The following ENTPD5 variants were observed in gnomAD, a reference collection of about 807,000 sequenced individuals.
ENTPD5 encodes nucleoside diphosphate phosphatase ENTPD5.
Under a neutral mutation model 60.2 loss-of-function variants are expected in ENTPD5, and 49 were observed. The ratio of observed to expected loss-of-function variants is 0.81; its 90% confidence interval spans 0.65 to 1.03. ENTPD5 has a LOEUF of 1.03. Ranked by LOEUF, ENTPD5 falls within the 50% of genes least tolerant of loss-of-function variation. The pLI is 0.00. For missense variants in ENTPD5, 480 were observed against 507.6 expected, an observed-to-expected ratio of 0.95 and a Z score of 0.52; for synonymous variants, 187 against 185.4, an observed-to-expected ratio of 1.01 and a Z score of -0.07.
Position 73,969,954 on chromosome 14 carries a change from C to CT in ENTPD5, c.1200+55dup, listed in dbSNP as rs547779648. On this transcript the variant is annotated intron_variant, in intron 15 of 15. Coordinates refer to ENST00000334696, the MANE Select transcript of ENTPD5 (RefSeq NM_001249.5). ...CTGATTACTGAACAAGCTCTTACTCCTTCTCAACCCCCACAAAAGAGGGCT... is the reference window on the plus strand; with the variant it reads ...CTGATTACTGAACAAGCTCTTACTCCTTTCTCAACCCCCACAAAAGAGGGCT... The CT allele has an allele frequency of 3.2e-4, 403 of 1,254,030 alleles. 2 individuals carry two copies. In the African/African-American group the frequency reaches 5.2e-3, roughly 16 times the overall value. 77.7% of individuals were successfully genotyped at this position (1,254,030 alleles called of 1,614,324 possible). A position where few individuals can be genotyped will look rare whatever the true frequency, so the allele number is the denominator to read the frequency against.
At chr14:73,989,228 C>A (rs1450771125) in intron 3 of ENTPD5, among the ~76,000 whole-genome samples, 1 of 151,956 alleles carries the variant, frequency 6.6e-6, no homozygotes, top group Non-Finnish European at 1.5e-5. Context: ...TAGGAGTTCA[C>A]GACCAGCTTT....
At chr14:73,995,038 G>A (rs189263543) in intron 3 of ENTPD5, among the ~76,000 whole-genome samples, 99 of 141,036 alleles carry the variant, frequency 7.0e-4, no homozygotes, top group South Asian at 1.1e-3. Context: ...ACTATACATA[G>A]CCAGGCAGAA....
chr14:73,973,101 G>A (rs1227005323), intron 12 of ENTPD5, 77 bp from the exon 13 acceptor site: 13 of 1,537,110 alleles, frequency 8.5e-6, no homozygotes, highest in Non-Finnish European at 1.2e-5. Context: ...CAGGCTGCTG[G>A]AGACAATGAG....
At chr14:74,007,137 C>T (rs1403118232) in intron 3 of ENTPD5, among the ~76,000 whole-genome samples, 2 of 152,066 alleles carry the variant, frequency 1.3e-5, no homozygotes, top group East Asian at 1.9e-4. Context: ...TGGTGGCACA[C>T]ACCTGTAGTC....
chr14:73,969,532 T>C (rs111354676), intron 15 of ENTPD5, among the ~76,000 whole-genome samples: 1,895 of 151,884 alleles, frequency 0.012, 39 homozygotes, highest in African/African-American at 0.044. Flanking sequence ...TGAAACCCCA[T>C]CTCCAATAAA....
Position 73,994,389 on chromosome 14 carries a change from A to G in ENTPD5, c.-70-6217T>C, listed in dbSNP as rs964082332. On this transcript the variant is annotated intron_variant, in intron 3 of 15. Transcript: ENST00000334696. Reference sequence around the variant, plus strand: ...TGATCCACTCGCCTCAGCCTCCCAAAGTCCTGGGATAACAGGCACAAGCCT... The same window carrying G: ...TGATCCACTCGCCTCAGCCTCCCAAGGTCCTGGGATAACAGGCACAAGCCT... Among the ~76,000 whole-genome samples the G allele has an allele frequency of 8.5e-5, 13 of 152,086 alleles. No individual in the cohort carries two copies. In the East Asian group the frequency reaches 2.5e-3, roughly 30 times the overall value.
chr14:74,007,354 T>C (rs2058710888), intron 3 of ENTPD5, among the ~76,000 whole-genome samples: 1 of 150,260 alleles, frequency 6.7e-6, no homozygotes, highest in Non-Finnish European at 1.5e-5. Flanking sequence ...ACCCCGTCTC[T>C]ACTAAAAATA....
intron 15 of ENTPD5, among the ~76,000 whole-genome samples, chr14:73,968,726 G>GT (rs1299953055): frequency 2.0e-5 from 3 of 152,060 alleles, no homozygotes; most frequent in Non-Finnish European, 4.4e-5. Flanking sequence ...AGGCCCGGCT[G>GT]TATTACTGAT....
intron 3 of ENTPD5, among the ~76,000 whole-genome samples, chr14:73,993,215 T>C (rs1040014188): frequency 1.3e-5 from 2 of 152,084 alleles, no homozygotes; most frequent in African/African-American, 4.8e-5. Flanking sequence ...CATGCACCTG[T>C]GGTCCTAGCT....
Position 73,975,832 on chromosome 14 carries a change from C to T in ENTPD5, c.722+104G>A, listed in dbSNP as rs534300887. ...ATAGGCCTTAGGGAATTGGCACAGA[C>T]TTTGTTTTTGCTAATCAGATACAAT... On this transcript the variant is annotated intron_variant, in intron 10 of 15. Transcript: ENST00000334696. The T allele has an allele frequency of 5.8e-5, 58 of 1,003,386 alleles. No individual in the cohort carries two copies. The African/African-American group carries it at 8.5e-4, about 15-fold the overall frequency. 62.2% of individuals were successfully genotyped at this position (1,003,386 alleles called of 1,614,324 possible). A position where few individuals can be genotyped will look rare whatever the true frequency, so the allele number is the denominator to read the frequency against.
chr14:73,971,036 C>A (rs1481358033), intron 14 of ENTPD5, among the ~76,000 whole-genome samples: 1 of 151,896 alleles, frequency 6.6e-6, no homozygotes, highest in Non-Finnish European at 1.5e-5. Context: ...TGGCTATTTA[C>A]CATGTCTTTT....
chr14:74,011,718 A>AG (rs1310687896), intron 2 of ENTPD5, among the ~76,000 whole-genome samples: 13 of 152,162 alleles, frequency 8.5e-5, no homozygotes, highest in Non-Finnish European at 1.8e-4. Context: ...GGATTGCTTG[A>AG]ATATGGGAAG....
intron 11 of ENTPD5, 29 bp downstream of exon 11, chr14:73,974,895 C>CG: frequency 6.7e-7 from 1 of 1,492,004 alleles, no homozygotes; most frequent in Non-Finnish European, 9.2e-7. Context: ...CCCTCACCAT[C>CG]CCCCCCCAGC....
chr14:73,957,110 T>G (rs1042271839), downstream of ENTPD5, among the ~76,000 whole-genome samples: 13 of 151,586 alleles, frequency 8.6e-5, no homozygotes, highest in South Asian at 2.1e-4. Flanking sequence ...TATTTTTTTT[T>G]TTTTGGAGAT....
chr14:73,977,114 GC>G, intron 7 of ENTPD5, 55 bp from the exon 8 acceptor site: 2 of 1,535,404 alleles, frequency 1.3e-6, no homozygotes, highest in South Asian at 2.4e-5. Flanking sequence ...CTCTTTCCTG[GC>G]CCCAACCTTG....
chr14:73,969,657 T>C (rs1325009920), intron 15 of ENTPD5, among the ~76,000 whole-genome samples: 1 of 152,018 alleles, frequency 6.6e-6, no homozygotes, highest in Admixed American at 6.6e-5. Flanking sequence ...TGAGCTGAGA[T>C]CATGCCATTG....
intron 1 of ENTPD5, among the ~76,000 whole-genome samples, chr14:74,016,422 A>G (rs2059018554): frequency 6.6e-6 from 1 of 152,228 alleles, no homozygotes; most frequent in Non-Finnish European, 1.5e-5. Context: ...GGATCACCTG[A>G]GCTCAGGAGT....
chr14:73,981,224 G>A (rs2057675010), intron 6 of ENTPD5, among the ~76,000 whole-genome samples: 1 of 151,972 alleles, frequency 6.6e-6, no homozygotes, highest in African/African-American at 2.4e-5. Context: ...CTTAGGGCCG[G>A]GTGCAGTGGC....
downstream of ENTPD5, chr14:73,959,660 C>G: frequency 6.7e-7 from 1 of 1,487,618 alleles, no homozygotes; most frequent in Non-Finnish European, 9.1e-7. Flanking sequence ...ATCTCCGCCT[C>G]CCGGGTTCAA....
Sources: gnomAD v4.1 joint callset for allele counts (sites outside exome capture counted in the v4.1 genomes callset) on GRCh38, gnomAD v4.1.1 for gene constraint, MANE v1.5 for transcripts, NCBI Gene and HGNC (gene_info 2026-07-23, HGNC 2026-07-21) for gene names.